ATP11C: variants seen among roughly 807,000 people sequenced by gnomAD.
The protein encoded by ATP11C is phospholipid-transporting ATPase IG.
A neutral mutation model predicts 97.4 loss-of-function variants in ATP11C; 36 were observed. The observed-to-expected ratio is 0.37, with a 90% CI of 0.28 to 0.49. The LOEUF (loss-of-function observed/expected upper bound fraction) is 0.49, where lower values mean the gene tolerates loss of function less well. Ranked by LOEUF, ATP11C falls within the 20% of genes least tolerant of loss-of-function variation. The pLI is 0.98. For missense variants in ATP11C, 730 were observed against 824.6 expected, an observed-to-expected ratio of 0.89 and a Z score of 1.40; for synonymous variants, 275 against 290.9, an observed-to-expected ratio of 0.95 and a Z score of 0.56.
At chrX:139,870,838 T>C (rs1233812118) in intron 1 of ATP11C, among the ~76,000 whole-genome samples, 1 of 110,635 alleles carries the variant, frequency 9.0e-6, no homozygotes, top group Non-Finnish European at 1.9e-5. Flanking sequence ...GGGTGGATCA[T>C]GAGGTCAGGA....
intron 13 of ATP11C, among the ~76,000 whole-genome samples, chrX:139,788,789 A>G (rs1569456094): frequency 8.9e-6 from 1 of 112,437 alleles, no homozygotes; most frequent in Non-Finnish European, 1.9e-5. Context: ...TTATGATCAT[A>G]CAGACAAGCA....
chrX:139,796,170 CT>C, intron 12 of ATP11C, 102 bp downstream of exon 12: 1 of 612,858 alleles, frequency 1.6e-6, no homozygotes, highest in Non-Finnish European at 2.3e-6. Flanking sequence ...CTCTGAATCA[CT>C]TTTCCAAATG....
At chrX:139,796,008 A>G (rs1251928282) in intron 12 of ATP11C, among the ~76,000 whole-genome samples, 1 of 112,180 alleles carries the variant, frequency 8.9e-6, no homozygotes, top group Non-Finnish European at 1.9e-5. Flanking sequence ...AATAGCTAAT[A>G]ATGTAACATC....
intron 1 of ATP11C, among the ~76,000 whole-genome samples, chrX:139,881,090 A>G (rs911762865): frequency 1.8e-5 from 2 of 111,965 alleles, no homozygotes; most frequent in Non-Finnish European, 3.8e-5. Context: ...CTATTGCATA[A>G]TAAAAGAACT....
chrX:139,927,164 A>T, intron 1 of ATP11C, among the ~76,000 whole-genome samples: 1 of 112,156 alleles, frequency 8.9e-6, no homozygotes, highest in Middle Eastern at 4.6e-3. Flanking sequence ...ATGTAATGAT[A>T]ATTACAGCTC....
chrX:139,934,663 G>A (rs1467366051), upstream of ATP11C, among the ~76,000 whole-genome samples: 2 of 103,362 alleles, frequency 1.9e-5, no homozygotes, highest in Non-Finnish European at 3.9e-5. Flanking sequence ...AGTGATTCTC[G>A]TGCCTCAGCC....
intron 18 of ATP11C, among the ~76,000 whole-genome samples, chrX:139,779,523 C>T (rs1316212808): frequency 4.5e-5 from 5 of 111,784 alleles, no homozygotes; most frequent in Admixed American, 3.8e-4. Context: ...AACCAAAAAA[C>T]AATTTTGAAA....
intron 1 of ATP11C, among the ~76,000 whole-genome samples, chrX:139,909,120 G>T (rs779128671): frequency 9.9e-5 from 11 of 110,753 alleles, no homozygotes; most frequent in African/African-American, 3.6e-4. Flanking sequence ...TGCTTTTGGG[G>T]TTTTTTTTAT....
At chrX:139,762,797 A>G (rs191462001) in intron 21 of ATP11C, among the ~76,000 whole-genome samples, 2 of 97,156 alleles carry the variant, frequency 2.1e-5, no homozygotes, top group East Asian at 2.8e-4. Flanking sequence ...CAGAGAAGGG[A>G]AAAAAAATGG....
At chrX:139,907,790 T>C (rs753195019) in intron 1 of ATP11C, among the ~76,000 whole-genome samples, 2 of 109,966 alleles carry the variant, frequency 1.8e-5, no homozygotes, top group Admixed American at 1.9e-4. Context: ...GCTTACCTTC[T>C]CTGGGTTGTT....
intron 1 of ATP11C, among the ~76,000 whole-genome samples, chrX:139,892,458 G>C (rs1890012997): frequency 8.9e-6 from 1 of 111,777 alleles, no homozygotes; most frequent in Non-Finnish European, 1.9e-5. Context: ...TAGTGGGTGA[G>C]CATCTATAAC....
chrX:139,888,047 T>C (rs1449258754), intron 1 of ATP11C, among the ~76,000 whole-genome samples: 1 of 108,446 alleles, frequency 9.2e-6, no homozygotes, highest in Non-Finnish European at 1.9e-5. Context: ...AGACAAGCCA[T>C]AGACTGGGAA....
At chrX:139,839,097 T>C (rs1052195960) in intron 1 of ATP11C, among the ~76,000 whole-genome samples, 2 of 112,040 alleles carry the variant, frequency 1.8e-5, no homozygotes, top group Admixed American at 9.4e-5. Context: ...CTCAAAAACA[T>C]TATGCCAAGT....
chrX:139,784,265 T>A (rs767300213), intron 16 of ATP11C, among the ~76,000 whole-genome samples: 1 of 111,833 alleles, frequency 8.9e-6, no homozygotes, highest in East Asian at 2.8e-4. Flanking sequence ...ATTTGAAATG[T>A]TGTGTTTTTT....
chrX:139,788,816 T>C (rs892913424), intron 13 of ATP11C, among the ~76,000 whole-genome samples: 1 of 112,330 alleles, frequency 8.9e-6, no homozygotes, highest in African/African-American at 3.2e-5. Context: ...TACCCAAATG[T>C]CATTTCCCAC....
intron 22 of ATP11C, among the ~76,000 whole-genome samples, chrX:139,761,056 G>A (rs1386701398): frequency 9.0e-6 from 1 of 110,849 alleles, no homozygotes; most frequent in Non-Finnish European, 1.9e-5. Context: ...GGCTGAGGGG[G>A]GCAGATCACT....
At chrX:139,828,402 A>C (rs1041943084) in intron 1 of ATP11C, among the ~76,000 whole-genome samples, 1 of 111,709 alleles carries the variant, frequency 9.0e-6, no homozygotes, top group African/African-American at 3.3e-5. Context: ...TAAGAGCACC[A>C]AATTTTCCAT....
intron 14 of ATP11C, among the ~76,000 whole-genome samples, chrX:139,787,513 G>A (rs767047827): frequency 8.9e-6 from 1 of 111,936 alleles, no homozygotes; most frequent in African/African-American, 3.2e-5. Context: ...GGCCAGGCTG[G>A]TCTTGAACTC....
At chrX:139,841,036 T>C (rs1338652669) in intron 1 of ATP11C, among the ~76,000 whole-genome samples, 2 of 112,523 alleles carry the variant, frequency 1.8e-5, no homozygotes, top group Middle Eastern at 4.6e-3. Flanking sequence ...TTTTAAAGAC[T>C]CTGCCAAAGC....
Sources: gnomAD v4.1 joint callset for allele counts (sites outside exome capture counted in the v4.1 genomes callset) on GRCh38, gnomAD v4.1.1 for gene constraint, MANE v1.5 for transcripts, NCBI Gene and HGNC (gene_info 2026-07-23, HGNC 2026-07-21) for gene names.